Variants in CALCOCO1 observed in about 807,000 individuals in gnomAD.
CALCOCO1 encodes the protein calcium binding and coiled-coil domain 1, also known as calcium-binding and coiled-coil domain-containing protein 1.
In CALCOCO1, 44 loss-of-function variants were observed where a neutral mutation model predicts 86.3. That is an observed-to-expected ratio of 0.51 (90% CI 0.40 to 0.66). The LOEUF is 0.66. Ranked by LOEUF, CALCOCO1 falls within the 30% of genes least tolerant of loss-of-function variation. The probability of loss-of-function intolerance (pLI) is 0.00; values close to 1 mark genes in which losing one functional copy is unlikely to be tolerated. For missense variants in CALCOCO1, 708 were observed against 851.1 expected (o/e 0.83, Z 2.09); for synonymous variants, 297 against 327.6 (o/e 0.91, Z 1.01).
At chr12:53,721,686 A>G (rs550560839) in intron 5 of CALCOCO1, 71 bp from the exon 6 acceptor site, 3 of 1,579,122 alleles carry the variant, frequency 1.9e-6, no homozygotes, top group African/African-American at 2.7e-5. Context: ...ACAAAGGCTT[A>G]GGAAGAGCAC....
intron 7 of CALCOCO1, among the ~76,000 whole-genome samples, chr12:53,719,065 C>G (rs183200753): frequency 3.3e-5 from 5 of 151,278 alleles, no homozygotes; most frequent in African/African-American, 1.2e-4. Flanking sequence ...CCAGGCTGGT[C>G]TTGAACTGAC....
chr12:53,720,001 G>T (rs1945825823), intron 6 of CALCOCO1, among the ~76,000 whole-genome samples, 172 bp from the exon 7 acceptor site: 1 of 152,198 alleles, frequency 6.6e-6, no homozygotes, highest in African/African-American at 2.4e-5. Context: ...AGGAAACCAA[G>T]ATTCCAGGTT....
chr12:53,718,471 T>C (rs1312897366), intron 7 of CALCOCO1, among the ~76,000 whole-genome samples: 1 of 152,202 alleles, frequency 6.6e-6, no homozygotes, highest in Non-Finnish European at 1.5e-5. Flanking sequence ...AAAACTTTAT[T>C]GGTGGGAGGA....
Position 53,713,893 on chromosome 12 carries a change from C to A in CALCOCO1, c.1599G>T (p.Pro533=). Residue 533 remains proline (P), a synonymous_variant, in exon 13 of 15, where the codon CCG becomes CCT. Coordinates refer to ENST00000550804, the MANE Select transcript of CALCOCO1 (RefSeq NM_020898.3). The part of the protein sequence containing the change: ...DEEAAVGLSC[P]AALTDSEDES... ...CGTCCTCTGAGTCTGTCAGAGCTGCCGGGCAGCCTGTAGGAGATGAAGCAG... is the reference window on the plus strand; with the variant it reads ...CGTCCTCTGAGTCTGTCAGAGCTGCAGGGCAGCCTGTAGGAGATGAAGCAG... 6.6e-7 allele frequency: 1 copy of A among 1,523,464 alleles called. No homozygotes were observed. The allele number at this position is 1,523,464 out of a possible 1,614,324, so 94.4% of individuals were successfully genotyped here.
intron 1 of CALCOCO1, among the ~76,000 whole-genome samples, chr12:53,726,788 T>C (rs144461802): frequency 1.3e-5 from 2 of 152,250 alleles, no homozygotes; most frequent in Admixed American, 1.3e-4. Context: ...CTTCCAGCTT[T>C]CTAAGGGTGG....
rs1332663336 is a variant in CALCOCO1, at chr12:53,713,842, T to G, written c.1650A>C (p.Pro550=). The G allele has an allele frequency of 1.1e-5, 17 of 1,542,382 alleles. No individual in the cohort carries two copies. The highest frequency in any genetic ancestry group is 1.4e-5 in the African/African-American group (1 of 72,204). ...EDESPEDMRL[P]PYGLCERGDP... ...CTCCACGCTCACAAAGGCCATAGGG[T>G]GGGAGCCTCATGTCTTCTGGGGACT... The change falls in exon 13 of 15, where the codon CCA becomes CCC. Residue 550 remains proline, a synonymous_variant. Coordinates refer to ENST00000550804, the MANE Select transcript of CALCOCO1 (RefSeq NM_020898.3).
intron 7 of CALCOCO1, 60 bp downstream of exon 7, chr12:53,719,679 G>C: frequency 4.2e-6 from 5 of 1,190,946 alleles, no homozygotes; most frequent in Non-Finnish European, 6.2e-6. Context: ...TCTGGCTCTC[G>C]AGAGGGAATC....
In CALCOCO1 at chr12:53,716,357, G is replaced by T. The variant is rs776248946; in HGVS notation, c.908C>A (p.Ala303Glu). ...NHHLNLDLKE[A>E]KSWQEEQSAQ... ...ACTCTGCTCCTCTTGCCAGCTCTTCGCCTCCTTCAGGTCCAAATTTAAGTG... is the reference window on the plus strand; with the variant it reads ...ACTCTGCTCCTCTTGCCAGCTCTTCTCCTCCTTCAGGTCCAAATTTAAGTG... The change falls in exon 8 of 15, where the codon GCG becomes GAG. Residue 303 changes from alanine to glutamate, a missense_variant. Coordinates refer to ENST00000550804, the MANE Select transcript of CALCOCO1 (RefSeq NM_020898.3). 5 of 1,614,126 alleles carry T rather than the reference G, an allele frequency of 3.1e-6. No homozygotes were observed. The highest frequency in any genetic ancestry group is 4.2e-6 in the Non-Finnish European group (5 of 1,180,028).
intron 9 of CALCOCO1, 88 bp from the exon 10 acceptor site, chr12:53,715,413 C>A: frequency 6.6e-7 from 1 of 1,520,468 alleles, no homozygotes; most frequent in African/African-American, 1.4e-5. Flanking sequence ...TTACTGTGTC[C>A]TTTCCTTTAT....
At chr12:53,715,672 C>A in intron 9 of CALCOCO1, 121 bp downstream of exon 9, 1 of 1,362,472 alleles carries the variant, frequency 7.3e-7, no homozygotes, top group Non-Finnish European at 1.0e-6. Flanking sequence ...CCTCTCCACC[C>A]AAGTCCTCTA....
At position 53,708,764 on chromosome 12, in the gene CALCOCO1, T is replaced by C. The variant is rs535229424; in HGVS notation, c.*3180A>G. The C allele has an allele frequency of 1.4e-4, 21 of 152,300 alleles. No individual in the cohort carries two copies. Among genetic ancestry groups the C allele is most frequent in the African/African-American group, 5.1e-4 (21 of 41,542 alleles). The allele number at this position is 152,300 out of a possible 1,614,324, so 9.4% of individuals were successfully genotyped here. A position where few individuals can be genotyped will look rare whatever the true frequency, so the allele number is the denominator to read the frequency against. On this transcript the variant is annotated 3_prime_UTR_variant, in exon 15 of 15. Coordinates refer to ENST00000550804, the MANE Select transcript of CALCOCO1 (RefSeq NM_020898.3). The stretch of plus-strand genomic sequence containing the variant: ...GGGAGAATAAAAAGTTGTAAACACA[T>C]GTAGCATCTTTTTATAAAGTGCTCT...
chr12:53,722,812 C>CCTTAGTCTGAA (rs1195415278), intron 4 of CALCOCO1: 2 of 388,154 alleles, frequency 5.2e-6, no homozygotes, highest in Non-Finnish European at 1.0e-5. Flanking sequence ...TAACATGATC[C>CCTTAGTCTGAA]CTTAGTCTGA....
rs1293663643 is a variant in CALCOCO1, at chr12:53,715,259, C to G, written c.1327G>C (p.Glu443Gln). The G allele has an allele frequency of 1.1e-5, 17 of 1,614,064 alleles. No homozygotes were observed. Among genetic ancestry groups the G allele is most frequent in the Non-Finnish European group, 1.4e-5 (16 of 1,180,036 alleles). The change falls in exon 10 of 15, where the codon GAG becomes CAG. Residue 443 changes from glutamate to glutamine, a missense_variant. By Grantham distance (29) the Glu-to-Gln change is conservative (BLOSUM62 2). Transcript: ENST00000550804. ...ILRLEKAVQE[E>Q]RTQNQVFKTE... ...TTGAACACTTGGTTTTGGGTCCTCT[C>G]CTCCTGAACTGCCTTCTCCAATCGA...
chr12:53,722,985 CA>C, intron 4 of CALCOCO1: 1 of 368,478 alleles, frequency 2.7e-6, no homozygotes, highest in Non-Finnish European at 5.3e-6. Flanking sequence ...AAGAAAAACC[CA>C]AAAAACAAAC....
Position 53,711,567 on chromosome 12 carries a change from G to C in CALCOCO1, c.*377C>G, listed in dbSNP as rs1464957428. ...TAGGGTGCCCCAGGAATTGGCTTTG[G>C]GGCATCAGACAAGGGAGTGTGAGTG... On this transcript the variant is annotated 3_prime_UTR_variant, in exon 15 of 15. Coordinates refer to ENST00000550804, the MANE Select transcript of CALCOCO1 (RefSeq NM_020898.3). 6.9e-6 allele frequency: 2 copies of C among 291,366 alleles called. No individual in the cohort carries two copies. Among genetic ancestry groups the C allele is most frequent in the African/African-American group, 4.3e-5 (2 of 46,062 alleles). 18.0% of individuals were successfully genotyped at this position (291,366 alleles called of 1,614,324 possible).
chr12:53,718,840 CTTT>C (rs35114054), intron 7 of CALCOCO1, among the ~76,000 whole-genome samples: 6 of 75,630 alleles, frequency 7.9e-5, no homozygotes, highest in South Asian at 4.6e-4. Context: ...ATGGCCCTCC[CTTT>C]TTTTTTTTTT....
Position 53,715,643 on chromosome 12 carries a change from G to T in CALCOCO1, c.1260+150C>A, listed in dbSNP as rs1032911195. On this transcript the variant is annotated intron_variant, in intron 9 of 14. Coordinates refer to ENST00000550804, the MANE Select transcript of CALCOCO1 (RefSeq NM_020898.3). ...GGATGGGTCATGCCTAGAAAGTAAA[G>T]TGTACCTCCCTCAAAGCCCCTCTCC... 13 of 1,045,770 alleles carry T rather than the reference G, an allele frequency of 1.2e-5. No homozygotes were observed. In the African/African-American group the frequency reaches 1.6e-4, roughly 13 times the overall value. 64.8% of individuals were successfully genotyped at this position (1,045,770 alleles called of 1,614,324 possible).
At chr12:53,722,574 G>A (rs1945904831) in intron 4 of CALCOCO1, among the ~76,000 whole-genome samples, 1 of 152,122 alleles carries the variant, frequency 6.6e-6, no homozygotes, top group African/African-American at 2.4e-5. Flanking sequence ...CTAGCTATGT[G>A]ATTTTTTTTA....
Position 53,723,729 on chromosome 12 carries a change from C to A in CALCOCO1, c.314G>T (p.Arg105Leu). The A allele has an allele frequency of 1.2e-6, 2 of 1,614,176 alleles. No homozygotes were observed. Among genetic ancestry groups the A allele is most frequent in the Non-Finnish European group, 8.5e-7 (1 of 1,180,026 alleles). ...GCTCTGCCCACACACCTGGCCCTGG[C>A]GGTTCACATATCGGAACTGGTAGAG... The part of the protein sequence containing the change: ...AQLYQFRYVN[R>L]QGQVCGQSPP... The change falls in exon 4 of 15, where the codon CGC becomes CTC. Residue 105 changes from arginine to leucine, a missense_variant. Coordinates refer to ENST00000550804, the MANE Select transcript of CALCOCO1 (RefSeq NM_020898.3).
Sources: gnomAD v4.1 joint callset for allele counts (sites outside exome capture counted in the v4.1 genomes callset) on GRCh38, gnomAD v4.1.1 for gene constraint, MANE v1.5 for transcripts, NCBI Gene and HGNC (gene_info 2026-07-23, HGNC 2026-07-21) for gene names.